NR5A2: variants seen among roughly 807,000 people sequenced by gnomAD.
The protein encoded by NR5A2 is CYP7A promoter-binding factor.
NR5A2 carries 26 observed loss-of-function variants against 62.7 expected under a neutral mutation model. The ratio of observed to expected loss-of-function variants is 0.41; its 90% confidence interval spans 0.30 to 0.58. The LOEUF is 0.58. Ranked by LOEUF, NR5A2 falls within the 20% of genes least tolerant of loss-of-function variation. The pLI is 0.22. For missense variants in NR5A2, 541 were observed against 669.1 expected (o/e 0.81, Z 2.11); for synonymous variants, 246 against 241.7 (o/e 1.02, Z -0.16).
At chr1:200,148,621 AAAG>A (rs1667835410) in intron 7 of NR5A2, among the ~76,000 whole-genome samples, 1 of 152,274 alleles carries the variant, frequency 6.6e-6, no homozygotes, top group East Asian at 1.9e-4. Flanking sequence ...AGTCAAAAAT[AAAG>A]AAGTTAAGTG....
At chr1:200,087,315 C>T (rs1209714646) in intron 5 of NR5A2, among the ~76,000 whole-genome samples, 5 of 152,084 alleles carry the variant, frequency 3.3e-5, no homozygotes, top group Admixed American at 2.0e-4. Context: ...TTTGTCCTTT[C>T]AGTTCAATAG....
intron 5 of NR5A2, among the ~76,000 whole-genome samples, chr1:200,054,926 T>G (rs1034184669): frequency 6.6e-6 from 1 of 152,076 alleles, no homozygotes; most frequent in Admixed American, 6.6e-5. Flanking sequence ...AGACAGGGTC[T>G]CTCTCTGTTG....
intron 5 of NR5A2, among the ~76,000 whole-genome samples, chr1:200,056,718 T>C (rs546891241): frequency 6.6e-6 from 1 of 152,280 alleles, no homozygotes; most frequent in South Asian, 2.1e-4. Context: ...AAGAGAGTAG[T>C]GATGATCATA....
intron 5 of NR5A2, among the ~76,000 whole-genome samples, chr1:200,061,520 C>T (rs974529996): frequency 5.9e-5 from 9 of 152,174 alleles, no homozygotes; most frequent in African/African-American, 1.9e-4. Flanking sequence ...TCAGGTGATC[C>T]GCCCACCTCC....
intron 1 of NR5A2, among the ~76,000 whole-genome samples, chr1:200,031,715 A>G (rs1394395880): frequency 2.6e-5 from 4 of 151,312 alleles, no homozygotes; most frequent in African/African-American, 9.7e-5. Flanking sequence ...GGCAGCTGGG[A>G]TTACAGGTGC....
intron 7 of NR5A2, among the ~76,000 whole-genome samples, chr1:200,170,240 G>A (rs1223007618): frequency 1.3e-5 from 2 of 152,098 alleles, no homozygotes; most frequent in Admixed American, 6.6e-5. Flanking sequence ...TTATTGGAGG[G>A]ACATTCCAGA....
intron 5 of NR5A2, among the ~76,000 whole-genome samples, chr1:200,058,786 GT>G (rs1483659349): frequency 6.9e-6 from 1 of 145,278 alleles, no homozygotes; most frequent in African/African-American, 2.7e-5. Context: ...GCTGGGTTTT[GT>G]TTTTTGTTTT....
At chr1:200,098,289 A>G (rs1665196680) in intron 5 of NR5A2, among the ~76,000 whole-genome samples, 1 of 152,078 alleles carries the variant, frequency 6.6e-6, no homozygotes, top group Admixed American at 6.5e-5. Context: ...GTCTATCTAG[A>G]TTTTATGTCC....
In NR5A2 at chr1:200,048,192, C is replaced by T; in HGVS notation, c.484C>T (p.Arg162Cys). 1 of 1,609,826 alleles carries T rather than the reference C, an allele frequency of 6.2e-7. No homozygotes were observed. The highest frequency in any genetic ancestry group is 8.5e-7 in the Non-Finnish European group (1 of 1,177,270). The change falls in exon 5 of 8, where the codon CGT (arginine) becomes TGT (cysteine). Residue 162 changes from arginine (R) to cysteine (C), a missense_variant. Coordinates refer to ENST00000367362, the MANE Select transcript of NR5A2 (RefSeq NM_205860.3). This position sits in a 1 kb window ranked among gnomAD's most constrained non-coding sequence, Gnocchi z 4.8. ...KLEAVRADRM[R>C]GGRNKFGPMY... ...AACAGCTGTAAGGGCCGACCGAATG[C>T]GTGGAGGAAGGAATAAGTTTGGGCC...
intron 5 of NR5A2, chr1:200,054,185 C>T (rs1001817653): frequency 1.3e-5 from 2 of 152,136 alleles, no homozygotes; most frequent in African/African-American, 2.4e-5. Context: ...GGATGGTAAC[C>T]GGGTGATAGG....
chr1:200,044,049 T>C, intron 3 of NR5A2, 157 bp downstream of exon 3: 1 of 513,312 alleles, frequency 1.9e-6, no homozygotes, highest in East Asian at 3.0e-5. Context: ...CTTAGAAGTG[T>C]GTGTCTGATT....
At chr1:200,120,295 A>T (rs1169907568) in intron 6 of NR5A2, among the ~76,000 whole-genome samples, 2 of 152,204 alleles carry the variant, frequency 1.3e-5, no homozygotes, top group Non-Finnish European at 2.9e-5. Flanking sequence ...TTGTATATAC[A>T]TAGAACACTC....
At chr1:200,084,853 T>C (rs1172611910) in intron 5 of NR5A2, among the ~76,000 whole-genome samples, 1 of 152,160 alleles carries the variant, frequency 6.6e-6, no homozygotes, top group African/African-American at 2.4e-5. Flanking sequence ...ACAAATACAT[T>C]TATCAAAGGA....
chr1:200,063,534 T>C (rs1228276790), intron 5 of NR5A2, among the ~76,000 whole-genome samples: 1 of 152,186 alleles, frequency 6.6e-6, no homozygotes, highest in Non-Finnish European at 1.5e-5. Flanking sequence ...TATTTGACCA[T>C]TGAGAATTGC....
rs531442159 is a variant in NR5A2 at position 200,059,794 on chromosome 1, G to A, written c.1110+10976G>A. On this transcript the variant is annotated intron_variant, in intron 5 of 7. Transcript: ENST00000367362. ...TTTTGCTCTGACCTATTCTTCTGCA[G>A]CTTGGGAAGTAGATCATACAAATCT... Among the ~76,000 whole-genome samples the A allele has an allele frequency of 1.7e-4, 26 of 152,260 alleles. 1 individual carries two copies. In the Middle Eastern group the frequency reaches 0.01, roughly 60 times the overall value.
At chr1:200,030,811 T>A (rs1661521139) in intron 1 of NR5A2, among the ~76,000 whole-genome samples, 1 of 152,246 alleles carries the variant, frequency 6.6e-6, no homozygotes, top group African/African-American at 2.4e-5. Context: ...CAGAAGGTTA[T>A]GTCTGCATAC....
At chr1:200,041,919 T>C (rs1662105378) in intron 2 of NR5A2, among the ~76,000 whole-genome samples, 1 of 152,114 alleles carries the variant, frequency 6.6e-6, no homozygotes, top group Admixed American at 6.5e-5. Flanking sequence ...TTTACTTTGT[T>C]GGGGGAAGGG....
chr1:200,127,741 C>T (rs1666791507), intron 7 of NR5A2, among the ~76,000 whole-genome samples: 1 of 95,498 alleles, frequency 1.0e-5, no homozygotes, highest in Admixed American at 1.3e-4. Flanking sequence ...TGGTATCCAT[C>T]AGATGCAAAA....
chr1:200,051,931 G>C (rs1265253753), intron 5 of NR5A2, among the ~76,000 whole-genome samples: 1 of 151,996 alleles, frequency 6.6e-6, no homozygotes, highest in African/African-American at 2.4e-5. Context: ...CACACACACA[G>C]AGATGCACAA....
Sources: gnomAD v4.1 joint callset for allele counts (sites outside exome capture counted in the v4.1 genomes callset) on GRCh38, gnomAD v4.1.1 for gene constraint, Gnocchi (gnomAD v3.1) non-coding constraint, MANE v1.5 for transcripts, NCBI Gene and HGNC (gene_info 2026-07-23, HGNC 2026-07-21) for gene names.